Variants in NRG3 observed in about 807,000 individuals in gnomAD.
NRG3 encodes the protein neuregulin 3.
Under a neutral mutation model 66.9 loss-of-function variants are expected in NRG3, and 31 were observed. That is an observed-to-expected ratio of 0.46 (90% CI 0.35 to 0.63). NRG3 has a LOEUF of 0.63. Among genes scored for constraint, NRG3 ranks in the 20% least tolerant of loss-of-function variants. The pLI is 0.00. For missense variants in NRG3, 910 were observed against 878.9 expected, an observed-to-expected ratio of 1.04 and a Z score of -0.45; for synonymous variants, 393 against 359.4, an observed-to-expected ratio of 1.09 and a Z score of -1.06.
intron 1 of NRG3, among the ~76,000 whole-genome samples, chr10:82,037,718 G>A (rs772488374): frequency 6.6e-6 from 1 of 152,044 alleles, no homozygotes; most frequent in Non-Finnish European, 1.5e-5. Flanking sequence ...CTTAAACTTG[G>A]TGAACCTCAG....
intron 2 of NRG3, among the ~76,000 whole-genome samples, chr10:82,468,322 T>A (rs942429278): frequency 1.3e-5 from 2 of 152,184 alleles, no homozygotes; most frequent in African/African-American, 4.8e-5. Flanking sequence ...AACTATGAAC[T>A]GTGATATAAA....
At position 81,928,270 on chromosome 10, in the gene NRG3, G is replaced by A. The variant is rs530963632; in HGVS notation, c.823+52107G>A. Among the ~76,000 whole-genome samples the A allele has an allele frequency of 2.0e-5, 3 of 152,228 alleles. No individual in the cohort carries two copies. In the East Asian group the frequency reaches 5.8e-4, roughly 30 times the overall value. On this transcript the variant is annotated intron_variant, in intron 1 of 8. Coordinates refer to ENST00000372141, the MANE Select transcript of NRG3 (RefSeq NM_001010848.4). ...CCCAGCAGCAGGTTACCACCACTTG[G>A]AAAGCTTTTTACCAGAATATCCAGA... is the stretch of plus-strand genomic sequence containing the variant.
intron 1 of NRG3, among the ~76,000 whole-genome samples, chr10:82,218,677 A>G (rs992164987): frequency 6.6e-5 from 10 of 152,068 alleles, no homozygotes; most frequent in Admixed American, 6.6e-4. Context: ...ATCTCCCCAC[A>G]TATCTTTCTT....
intron 1 of NRG3, among the ~76,000 whole-genome samples, chr10:82,218,196 C>T (rs1764081): frequency 0.11 from 17,262 of 152,006 alleles, 1,100 homozygotes; most frequent in Middle Eastern, 0.2. Context: ...TTAATAATAA[C>T]GAAATAAGGC....
intron 3 of NRG3, among the ~76,000 whole-genome samples, chr10:82,744,837 A>G (rs888859309): frequency 1.3e-5 from 2 of 152,040 alleles, no homozygotes; most frequent in East Asian, 1.9e-4. Flanking sequence ...GAAATAAAAT[A>G]CTCCATTCAG....
intron 2 of NRG3, among the ~76,000 whole-genome samples, chr10:82,403,669 G>A (rs926922287): frequency 6.6e-6 from 1 of 152,112 alleles, no homozygotes; most frequent in African/African-American, 2.4e-5. Context: ...TCCTCCTGGG[G>A]ATATTTCTAG....
intron 2 of NRG3, among the ~76,000 whole-genome samples, chr10:82,389,519 C>T (rs1316551470): frequency 1.3e-5 from 2 of 152,058 alleles, no homozygotes; most frequent in Non-Finnish European, 2.9e-5. Context: ...ACAAGTATCC[C>T]ACATATATTT....
At chr10:81,937,648 TAA>T (rs1215075291) in intron 1 of NRG3, among the ~76,000 whole-genome samples, 6 of 152,132 alleles carry the variant, frequency 3.9e-5, no homozygotes, top group Non-Finnish European at 5.9e-5. Context: ...TTCTGGATAT[TAA>T]CCCTTTATTA....
intron 1 of NRG3, among the ~76,000 whole-genome samples, chr10:82,120,715 A>G (rs2068030571): frequency 6.6e-6 from 1 of 152,138 alleles, no homozygotes; most frequent in Non-Finnish European, 1.5e-5. Flanking sequence ...AAACCAGGAT[A>G]AGATTCTATC....
intron 1 of NRG3, among the ~76,000 whole-genome samples, chr10:82,039,524 T>C (rs1054769639): frequency 5.9e-5 from 9 of 152,058 alleles, no homozygotes; most frequent in African/African-American, 2.2e-4. Context: ...AGCAAGTTAG[T>C]GTGATGATTA....
intron 2 of NRG3, among the ~76,000 whole-genome samples, chr10:82,608,138 T>C (rs1386242211): frequency 6.6e-6 from 1 of 152,216 alleles, no homozygotes; most frequent in Non-Finnish European, 1.5e-5. Context: ...TTTTTGTTTG[T>C]CTAAGAAAGT....
At chr10:82,833,709 T>A (rs191379189) in intron 3 of NRG3, among the ~76,000 whole-genome samples, 1 of 152,308 alleles carries the variant, frequency 6.6e-6, no homozygotes, top group East Asian at 1.9e-4. Context: ...GCACAACACC[T>A]TCACAATTCT....
chr10:82,630,956 T>C (rs957778734), intron 2 of NRG3, among the ~76,000 whole-genome samples: 1 of 152,166 alleles, frequency 6.6e-6, no homozygotes, highest in African/African-American at 2.4e-5. Context: ...CCTGGGATTA[T>C]TGAGTGTGAA....
Position 82,656,751 on chromosome 10 carries a change from G to A in NRG3, c.954-81826G>A, listed in dbSNP as rs549490717. Among the ~76,000 whole-genome samples the A allele has an allele frequency of 1.2e-4, 19 of 152,158 alleles. No homozygotes were observed. The South Asian group carries it at 2.5e-3, about 20-fold the overall frequency. On this transcript the variant is annotated intron_variant, in intron 2 of 8. Coordinates refer to ENST00000372141, the MANE Select transcript of NRG3 (RefSeq NM_001010848.4). ...CATCAGCAGTCATGGAGGAGAAGGCGGATCTAAAACATTAAGACATGCCCC... is the reference window on the plus strand; with the variant it reads ...CATCAGCAGTCATGGAGGAGAAGGCAGATCTAAAACATTAAGACATGCCCC...
chr10:82,266,590 G>A (rs943931013), intron 1 of NRG3, among the ~76,000 whole-genome samples: 2 of 152,122 alleles, frequency 1.3e-5, no homozygotes, highest in African/African-American at 4.8e-5. Context: ...ATTACTAAAG[G>A]TAGACAGAAT....
At chr10:82,869,225 C>G (rs1400542636) in intron 4 of NRG3, among the ~76,000 whole-genome samples, 1 of 152,148 alleles carries the variant, frequency 6.6e-6, no homozygotes, top group Non-Finnish European at 1.5e-5. Flanking sequence ...GATTTTCACA[C>G]AGTTTTAAGT....
chr10:82,355,312 A>G (rs982244914), intron 1 of NRG3, among the ~76,000 whole-genome samples: 6 of 152,246 alleles, frequency 3.9e-5, no homozygotes, highest in African/African-American at 1.4e-4. Flanking sequence ...TGGATACATT[A>G]GAGCACACTG....
chr10:82,863,327 G>T (rs1295460226), intron 3 of NRG3, among the ~76,000 whole-genome samples: 1 of 152,108 alleles, frequency 6.6e-6, no homozygotes, highest in Admixed American at 6.5e-5. Context: ...ACATACATTT[G>T]CATGTGTCTT....
intron 2 of NRG3, among the ~76,000 whole-genome samples, chr10:82,670,575 G>A (rs2053190249): frequency 6.6e-6 from 1 of 152,080 alleles, no homozygotes; most frequent in South Asian, 2.1e-4. Flanking sequence ...ATTTCAGGCA[G>A]TATCTTCCTT....
Sources: gnomAD v4.1 joint callset for allele counts (sites outside exome capture counted in the v4.1 genomes callset) on GRCh38, gnomAD v4.1.1 for gene constraint, MANE v1.5 for transcripts, NCBI Gene and HGNC (gene_info 2026-07-23, HGNC 2026-07-21) for gene names.